PTPRD: variants seen among roughly 807,000 people sequenced by gnomAD.
The protein encoded by PTPRD is protein tyrosine phosphatase receptor type D.
In PTPRD, 34 loss-of-function variants were observed where a neutral mutation model predicts 214.5. The ratio of observed to expected loss-of-function variants is 0.16; its 90% CI spans 0.12 to 0.21. The LOEUF is 0.21. Among genes scored for constraint, PTPRD ranks in the 10% least tolerant of loss-of-function variants. PTPRD has a pLI of 1.00. For missense variants in PTPRD, 2,545 were observed against 2,398.7 expected (o/e 1.06, Z -1.27); for synonymous variants, 1,128 against 845.7 (o/e 1.33, Z -5.79).
At chr9:9,132,152 C>T (rs1005712008) in intron 10 of PTPRD, among the ~76,000 whole-genome samples, 6 of 152,052 alleles carry the variant, frequency 3.9e-5, no homozygotes, top group Non-Finnish European at 1.5e-5. Flanking sequence ...GGGCTACAGG[C>T]GCCCGCCACC....
chr9:9,357,715 A>T, intron 9 of PTPRD, among the ~76,000 whole-genome samples: 1 of 120,298 alleles, frequency 8.3e-6, no homozygotes, highest in Non-Finnish European at 1.7e-5. Flanking sequence ...TTTTTAAAAT[A>T]AAAAAAAAAA....
chr9:8,674,560 C>A (rs1203841089), intron 12 of PTPRD, among the ~76,000 whole-genome samples: 3 of 150,388 alleles, frequency 2.0e-5, no homozygotes, highest in Non-Finnish European at 3.0e-5. Flanking sequence ...ATTAGTTCTG[C>A]TACTTTACTT....
At chr9:9,645,069 G>C (rs948931316) in intron 7 of PTPRD, among the ~76,000 whole-genome samples, 31 of 152,208 alleles carry the variant, frequency 2.0e-4, no homozygotes, top group Non-Finnish European at 4.3e-4. Context: ...TGCTAAAAGA[G>C]CATTAATTGT....
intron 10 of PTPRD, among the ~76,000 whole-genome samples, chr9:9,073,680 G>T (rs2099747065): frequency 6.6e-6 from 1 of 152,116 alleles, no homozygotes. Flanking sequence ...CTGTCGGCTT[G>T]CCCTATTAAT....
intron 2 of PTPRD, among the ~76,000 whole-genome samples, chr9:10,372,963 G>T (rs995626240): frequency 6.6e-6 from 1 of 151,102 alleles, no homozygotes; most frequent in Non-Finnish European, 1.5e-5. Context: ...CTCCTGAGTA[G>T]CTTGGGTTAT....
chr9:9,488,343 A>T (rs1035090167), intron 8 of PTPRD, among the ~76,000 whole-genome samples: 2 of 152,102 alleles, frequency 1.3e-5, no homozygotes, highest in African/African-American at 2.4e-5. Context: ...GCTGCTTTTC[A>T]TCAAGAGGCC....
intron 33 of PTPRD, chr9:8,451,980 C>T: frequency 2.5e-6 from 1 of 397,128 alleles, no homozygotes; most frequent in South Asian, 2.0e-5. Flanking sequence ...GAAAAGAAAA[C>T]TCTCTAAAGT....
intron 28 of PTPRD, chr9:8,485,532 G>A: frequency 1.6e-6 from 1 of 623,564 alleles, no homozygotes; most frequent in Non-Finnish European, 2.8e-6. Context: ...CAACTCTATT[G>A]TGTTTTCCTT....
intron 10 of PTPRD, among the ~76,000 whole-genome samples, chr9:9,106,764 T>G (rs1236358659): frequency 6.6e-6 from 1 of 152,084 alleles, no homozygotes; most frequent in East Asian, 1.9e-4. Flanking sequence ...TACATGATAG[T>G]TGTTCTTTCT....
chr9:9,148,298 C>T (rs1210692112), intron 10 of PTPRD, among the ~76,000 whole-genome samples: 1 of 151,992 alleles, frequency 6.6e-6, no homozygotes, highest in East Asian at 1.9e-4. Flanking sequence ...TTTTTGGAAG[C>T]TGAATCTCAG....
chr9:9,124,709 T>G (rs570758441), intron 10 of PTPRD, among the ~76,000 whole-genome samples: 1 of 152,328 alleles, frequency 6.6e-6, no homozygotes, highest in Admixed American at 6.5e-5. Flanking sequence ...ATAATAAAGT[T>G]GAAGTCAGCC....
At chr9:10,351,988 C>T (rs1420077163) in intron 2 of PTPRD, among the ~76,000 whole-genome samples, 13 of 151,950 alleles carry the variant, frequency 8.6e-5, no homozygotes, top group African/African-American at 3.1e-4. Context: ...ACTGTGGAGG[C>T]ATTGATAGGT....
At chr9:10,271,537 T>C (rs1175344907) in intron 3 of PTPRD, among the ~76,000 whole-genome samples, 2 of 37,016 alleles carry the variant, frequency 5.4e-5, no homozygotes, top group Non-Finnish European at 2.3e-4. Flanking sequence ...ATTGTTTCTT[T>C]TCTTTTCTTT....
intron 7 of PTPRD, among the ~76,000 whole-genome samples, chr9:9,658,744 C>T (rs1265541298): frequency 6.6e-6 from 1 of 152,052 alleles, no homozygotes; most frequent in African/African-American, 2.4e-5. Flanking sequence ...TTAATACGGC[C>T]GGCACTGCTG....
At chr9:9,536,234 T>A (rs117379418) in intron 8 of PTPRD, among the ~76,000 whole-genome samples, 2,395 of 152,104 alleles carry the variant, frequency 0.016, 36 homozygotes, top group Admixed American at 0.025. Flanking sequence ...GGACAGGGAA[T>A]CTTATTTGTG....
intron 9 of PTPRD, among the ~76,000 whole-genome samples, chr9:9,316,265 A>T (rs1963025397): frequency 6.6e-6 from 1 of 151,868 alleles, no homozygotes; most frequent in African/African-American, 2.4e-5. Flanking sequence ...TCTCTCTTAT[A>T]CTCACTGTTT....
At chr9:8,778,628 C>T (rs2095575459) in intron 11 of PTPRD, among the ~76,000 whole-genome samples, 1 of 152,148 alleles carries the variant, frequency 6.6e-6, no homozygotes, top group Non-Finnish European at 1.5e-5. Flanking sequence ...CCTTCTACTG[C>T]CTAAGAGATG....
At chr9:10,204,526 T>C (rs4741017) in intron 3 of PTPRD, among the ~76,000 whole-genome samples, 5,855 of 152,250 alleles carry the variant, frequency 0.038, 134 homozygotes, top group Middle Eastern at 0.078. Context: ...AACAAGCAGA[T>C]AAATTGAGAT....
At chr9:8,874,066 T>G (rs1218306762) in intron 11 of PTPRD, among the ~76,000 whole-genome samples, 1 of 152,192 alleles carries the variant, frequency 6.6e-6, no homozygotes, top group Non-Finnish European at 1.5e-5. Flanking sequence ...GGTAAAAATT[T>G]AATAAAACAA....
Sources: allele counts gnomAD v4.1 joint callset (sites outside exome capture counted in the v4.1 genomes callset), GRCh38; gene constraint gnomAD v4.1.1; transcripts MANE v1.5; gene names NCBI Gene and HGNC (gene_info 2026-07-23, HGNC 2026-07-21).